Variants in RAP1B observed in about 807,000 individuals in gnomAD.
RAP1B encodes RAP1B, member of RAS oncogene family.
Under a neutral mutation model 27.5 loss-of-function variants are expected in RAP1B, and 1 was observed. The ratio of observed to expected loss-of-function variants is 0.04; its 90% confidence interval spans 0.01 to 0.17. The LOEUF is 0.17. Ranked by LOEUF, RAP1B falls within the 10% of genes least tolerant of loss-of-function variation. The pLI is 1.00. For missense variants in RAP1B, 84 were observed against 214.8 expected (o/e 0.39, Z 3.81); for synonymous variants, 75 against 73.1 (o/e 1.03, Z -0.13).
intron 1 of RAP1B, among the ~76,000 whole-genome samples, chr12:68,617,964 A>G (rs796734029): frequency 1.1e-4 from 16 of 151,264 alleles, no homozygotes; most frequent in African/African-American, 3.9e-4. Flanking sequence ...GGGTCTCACC[A>G]TGTTGCCCAT....
At chr12:68,634,771 A>G (rs570587035) in intron 1 of RAP1B, among the ~76,000 whole-genome samples, 51 of 152,306 alleles carry the variant, frequency 3.3e-4, no homozygotes, top group Admixed American at 5.9e-4. Context: ...ACTGAACTGA[A>G]AAGGTAACTA....
Position 68,661,338 on chromosome 12 carries a change from A to G in RAP1B, c.*2089A>G, listed in dbSNP as rs949434904. On this transcript the variant is annotated 3_prime_UTR_variant, in exon 8 of 8. Coordinates refer to ENST00000250559, the MANE Select transcript of RAP1B (RefSeq NM_001010942.3). ...CATCCATTGATACCGCCATTATTCA[A>G]TAATTACTTTTAATAAATGTTTGCT... is the stretch of plus-strand genomic sequence containing the variant. 7 of 152,176 alleles carry G rather than the reference A, an allele frequency of 4.6e-5. No homozygotes were observed. The highest frequency in any genetic ancestry group is 8.8e-5 in the Non-Finnish European group (6 of 68,024). 9.4% of individuals were successfully genotyped at this position (152,176 alleles called of 1,614,324 possible).
chr12:68,640,477 CATT>C (rs1026809664), intron 1 of RAP1B, among the ~76,000 whole-genome samples: 4 of 152,158 alleles, frequency 2.6e-5, no homozygotes, highest in East Asian at 3.9e-4. Context: ...ATTAGGTACT[CATT>C]ATATATTTAT....
intron 1 of RAP1B, among the ~76,000 whole-genome samples, chr12:68,627,935 T>C (rs540039185): frequency 1.1e-4 from 16 of 151,850 alleles, no homozygotes; most frequent in African/African-American, 3.1e-4. Flanking sequence ...ACCCTGTATC[T>C]GCAAAAAATT....
chr12:68,619,168 G>A (rs968088035), intron 1 of RAP1B, among the ~76,000 whole-genome samples: 36 of 152,300 alleles, frequency 2.4e-4, no homozygotes, highest in African/African-American at 8.4e-4. Context: ...AAGTATTTGT[G>A]TGATTGAGTC....
chr12:68,642,960 CAG>C, intron 1 of RAP1B: 1 of 839,848 alleles, frequency 1.2e-6, no homozygotes, highest in Non-Finnish European at 2.1e-6. Context: ...GCTACTCAGT[CAG>C]TGGTTTTTAG....
intron 1 of RAP1B, among the ~76,000 whole-genome samples, chr12:68,616,633 C>G (rs1373835912): frequency 6.6e-6 from 1 of 151,816 alleles, no homozygotes; most frequent in East Asian, 1.9e-4. Context: ...GGGATTTCAC[C>G]ATATTGGTCA....
chr12:68,654,650 T>C (rs1874072880), intron 5 of RAP1B, among the ~76,000 whole-genome samples: 1 of 152,022 alleles, frequency 6.6e-6, no homozygotes, highest in African/African-American at 2.4e-5. Flanking sequence ...GCTAGTTTTT[T>C]GTATTTTTAG....
chr12:68,647,277 G>A (rs532279716), intron 1 of RAP1B, among the ~76,000 whole-genome samples: 38 of 149,594 alleles, frequency 2.5e-4, no homozygotes, highest in African/African-American at 7.8e-4. Flanking sequence ...GCTCACGCCT[G>A]TAATCCCAGC....
intron 1 of RAP1B, among the ~76,000 whole-genome samples, chr12:68,643,996 A>G (rs1382954128): frequency 2.0e-5 from 3 of 151,786 alleles, no homozygotes; most frequent in Non-Finnish European, 4.4e-5. Context: ...TTTTTTCCGT[A>G]CTCTTGAGGT....
chr12:68,635,466 C>T (rs1168926725), intron 1 of RAP1B, among the ~76,000 whole-genome samples: 2 of 152,024 alleles, frequency 1.3e-5, no homozygotes, highest in Non-Finnish European at 2.9e-5. Flanking sequence ...TATTTAAGGC[C>T]TCTTTTTTTG....
chr12:68,661,390 T>G lies in RAP1B; in HGVS notation c.*2141T>G, dbSNP rs538906168. 2.8e-4 allele frequency: 42 copies of G among 152,280 alleles called. No individual in the cohort carries two copies. Among genetic ancestry groups the G allele is most frequent in the African/African-American group, 9.1e-4 (38 of 41,556 alleles). The allele number at this position is 152,280 out of a possible 1,614,324, so 9.4% of individuals were successfully genotyped here. A position where few individuals can be genotyped will look rare whatever the true frequency, so the allele number is the denominator to read the frequency against. Reference sequence around the variant, plus strand: ...CCTACCAGCTATGTACCAGGCCCAGTTCTAGGCTCAAACAGCTAAATATTC... The same window carrying G: ...CCTACCAGCTATGTACCAGGCCCAGGTCTAGGCTCAAACAGCTAAATATTC... On this transcript the variant is annotated 3_prime_UTR_variant, in exon 8 of 8. Coordinates refer to ENST00000250559, the MANE Select transcript of RAP1B (RefSeq NM_001010942.3).
chr12:68,625,079 A>G (rs1370591218), intron 1 of RAP1B, among the ~76,000 whole-genome samples: 1 of 152,210 alleles, frequency 6.6e-6, no homozygotes, highest in Non-Finnish European at 1.5e-5. Context: ...TTTTTTGGAT[A>G]CCGTCTTATC....
intron 1 of RAP1B, among the ~76,000 whole-genome samples, chr12:68,613,254 G>C (rs1338947979): frequency 6.6e-6 from 1 of 151,934 alleles, no homozygotes; most frequent in Non-Finnish European, 1.5e-5. Context: ...CAGCTATTCG[G>C]GAGGCTGAGG....
intron 1 of RAP1B, among the ~76,000 whole-genome samples, chr12:68,630,185 C>G (rs1394348308): frequency 6.6e-6 from 1 of 152,202 alleles, no homozygotes; most frequent in Non-Finnish European, 1.5e-5. Flanking sequence ...TGGGCAAGGT[C>G]TATCCTTGTC....
Position 68,625,158 on chromosome 12 carries a change from C to T in RAP1B, c.-27+14115C>T, listed in dbSNP as rs138576046. On this transcript the variant is annotated intron_variant, in intron 1 of 7. Coordinates refer to ENST00000250559, the MANE Select transcript of RAP1B (RefSeq NM_001010942.3). ...AGTACTTGCTGGCCTAGTAATTATGCAAGTAAGTAATTAAGTGTTTATTCA... is the reference window on the plus strand; with the variant it reads ...AGTACTTGCTGGCCTAGTAATTATGTAAGTAAGTAATTAAGTGTTTATTCA... Among the ~76,000 whole-genome samples the T allele has an allele frequency of 4.4e-3, 668 of 152,286 alleles. 5 individuals carry two copies. The highest frequency in any genetic ancestry group is 0.015 in the African/African-American group (638 of 41,548).
At chr12:68,659,125 T>C (rs1874449731) in intron 7 of RAP1B, among the ~76,000 whole-genome samples, 155 bp from the exon 8 acceptor site, 1 of 152,214 alleles carries the variant, frequency 6.6e-6, no homozygotes, top group Non-Finnish European at 1.5e-5. Context: ...AGGTCTGCCG[T>C]GAATTGTGGT....
intron 1 of RAP1B, chr12:68,642,831 C>A (rs3814238): frequency 0.2 from 202,832 of 989,958 alleles, 24,974 homozygotes; most frequent in South Asian, 0.44. Flanking sequence ...TTGTAGTAAG[C>A]CCAGTCGATA....
intron 7 of RAP1B, 113 bp from the exon 8 acceptor site, chr12:68,659,167 A>G: frequency 2.3e-6 from 1 of 430,628 alleles, no homozygotes; most frequent in Non-Finnish European, 4.6e-6. Context: ...CTAGAACAAG[A>G]GCCTAGATTA....
Sources: gnomAD v4.1 joint callset for allele counts (sites outside exome capture counted in the v4.1 genomes callset) on GRCh38, gnomAD v4.1.1 for gene constraint, MANE v1.5 for transcripts, NCBI Gene and HGNC (gene_info 2026-07-23, HGNC 2026-07-21) for gene names.